The following KCTD8 variants were observed in gnomAD, a reference collection of about 807,000 sequenced individuals.
KCTD8 encodes the protein potassium channel tetramerization domain containing 8.
A neutral mutation model predicts 31.5 loss-of-function variants in KCTD8; 27 were observed. That is an observed-to-expected ratio of 0.86 (90% CI 0.63 to 1.18). The LOEUF is 1.18. Among genes scored for constraint, KCTD8 ranks in the 50% most tolerant of loss-of-function variants. The pLI is 0.00. For synonymous variants in KCTD8, 290 were observed against 280.0 expected, an observed-to-expected ratio of 1.04 and a Z score of -0.36; for missense variants, 658 against 647.7, an observed-to-expected ratio of 1.02 and a Z score of -0.17.
chr4:44,308,039 C>T (rs947988606), intron 1 of KCTD8, among the ~76,000 whole-genome samples: 8 of 152,056 alleles, frequency 5.3e-5, no homozygotes, highest in Admixed American at 4.6e-4. Context: ...TAAAGCATAT[C>T]CCTTATCTAT....
intron 1 of KCTD8, among the ~76,000 whole-genome samples, chr4:44,279,431 G>C (rs1716837970): frequency 6.6e-6 from 1 of 151,970 alleles, no homozygotes; most frequent in Non-Finnish European, 1.5e-5. Flanking sequence ...ATGGTGCTTG[G>C]AGTCCCAATG....
intron 1 of KCTD8, among the ~76,000 whole-genome samples, chr4:44,311,462 T>A (rs1421812221): frequency 6.6e-6 from 1 of 152,070 alleles, no homozygotes; most frequent in East Asian, 1.9e-4. Context: ...GTATATACAG[T>A]AAAAAATATT....
intron 1 of KCTD8, among the ~76,000 whole-genome samples, chr4:44,346,164 A>C (rs12506473): frequency 1.3e-5 from 2 of 151,918 alleles, no homozygotes; most frequent in Non-Finnish European, 2.9e-5. Context: ...GCAGTTTCCA[A>C]GTTTTTTATT....
intron 1 of KCTD8, among the ~76,000 whole-genome samples, chr4:44,241,651 T>C (rs937394362): frequency 2.0e-5 from 3 of 152,242 alleles, no homozygotes; most frequent in Non-Finnish European, 4.4e-5. Flanking sequence ...TCTACCTCTA[T>C]GAAACCTAAT....
chr4:44,380,839 T>C (rs1295110638), intron 1 of KCTD8, among the ~76,000 whole-genome samples: 2 of 151,976 alleles, frequency 1.3e-5, no homozygotes, highest in African/African-American at 4.8e-5. Context: ...TCTTATAAAA[T>C]GTTGAAGTGC....
intron 1 of KCTD8, among the ~76,000 whole-genome samples, chr4:44,295,134 T>A (rs536639036): frequency 1.3e-5 from 2 of 151,968 alleles, no homozygotes; most frequent in African/African-American, 4.8e-5. Context: ...CTCCATATTT[T>A]AAAAAATAAT....
intron 1 of KCTD8, among the ~76,000 whole-genome samples, chr4:44,283,337 A>T (rs929207118): frequency 1.3e-5 from 2 of 152,098 alleles, no homozygotes; most frequent in African/African-American, 4.8e-5. Flanking sequence ...AGCATGAGAC[A>T]CCATGCCTGG....
rs572575574 is a variant in KCTD8 at position 44,437,676 on chromosome 4, C to A, written c.961+9887G>T. ...TGACACCCTAAAGTAAGGACAAATA[C>A]TCTATTTTTATTTAGCACAGATTAC... On this transcript the variant is annotated intron_variant, in intron 1 of 1. Coordinates refer to ENST00000360029, the MANE Select transcript of KCTD8 (RefSeq NM_198353.3). Among the ~76,000 whole-genome samples the A allele has an allele frequency of 2.0e-5, 3 of 152,168 alleles. No homozygotes were observed. The East Asian group carries it at 5.8e-4, about 29-fold the overall frequency.
chr4:44,325,321 G>C (rs756339286), intron 1 of KCTD8, among the ~76,000 whole-genome samples: 1 of 151,916 alleles, frequency 6.6e-6, no homozygotes, highest in East Asian at 1.9e-4. Context: ...TCCTAGAACT[G>C]CCATATTCTA....
intron 1 of KCTD8, among the ~76,000 whole-genome samples, chr4:44,336,928 TGTTTA>T (rs549205407): frequency 6.6e-6 from 1 of 152,032 alleles, no homozygotes; most frequent in South Asian, 2.1e-4. Context: ...GAGAGAAGTC[TGTTTA>T]GTTTAAGAAA....
intron 1 of KCTD8, among the ~76,000 whole-genome samples, chr4:44,288,598 T>C (rs1044371207): frequency 1.5e-4 from 23 of 152,232 alleles, no homozygotes; most frequent in African/African-American, 5.1e-4. Flanking sequence ...GCCTATTCTG[T>C]ATGACAGTTA....
intron 1 of KCTD8, among the ~76,000 whole-genome samples, chr4:44,294,520 C>A (rs1007205303): frequency 6.6e-6 from 1 of 152,284 alleles, no homozygotes; most frequent in East Asian, 1.9e-4. Flanking sequence ...GTAAGATTAT[C>A]TGGTTTGACT....
At chr4:44,264,557 C>T (rs973473033) in intron 1 of KCTD8, among the ~76,000 whole-genome samples, 12 of 152,090 alleles carry the variant, frequency 7.9e-5, no homozygotes, top group African/African-American at 1.9e-4. Context: ...TGCAGTGCAC[C>T]GTGTGTGAGC....
intron 1 of KCTD8, among the ~76,000 whole-genome samples, chr4:44,362,385 T>G (rs1436555499): frequency 2.6e-5 from 4 of 152,176 alleles, no homozygotes; most frequent in Non-Finnish European, 5.9e-5. Context: ...GGTATTTTAG[T>G]GTCTTTACTA....
rs1479004262 is a variant in KCTD8 at position 44,269,961 on chromosome 4, A to G, written c.962-94711T>C. ...GTTGGTGGGACTGTAAACTAGTTCAACCATTGTGGAAGTCAGTGTGGTGAT... is the reference window on the plus strand; with the variant it reads ...GTTGGTGGGACTGTAAACTAGTTCAGCCATTGTGGAAGTCAGTGTGGTGAT... On this transcript the variant is annotated intron_variant, in intron 1 of 1. Coordinates refer to ENST00000360029, the MANE Select transcript of KCTD8 (RefSeq NM_198353.3). 3.4e-4 allele frequency among the ~76,000 whole-genome samples: 51 copies of G among 152,176 alleles called. No homozygotes were observed. The South Asian group carries it at 9.5e-3, about 28-fold the overall frequency.
intron 1 of KCTD8, among the ~76,000 whole-genome samples, chr4:44,317,007 TAAA>T (rs375885044): frequency 7.1e-6 from 1 of 141,356 alleles, no homozygotes; most frequent in South Asian, 2.2e-4. Context: ...AAAATAATAA[TAAA>T]AAAAAAACAA....
intron 1 of KCTD8, among the ~76,000 whole-genome samples, chr4:44,307,903 A>G (rs1717848616): frequency 6.6e-6 from 1 of 152,034 alleles, no homozygotes; most frequent in South Asian, 2.1e-4. Flanking sequence ...TTCAATGTAT[A>G]ACATTTTAAA....
chr4:44,184,740 T>C (rs980190301), intron 1 of KCTD8, among the ~76,000 whole-genome samples: 2 of 152,214 alleles, frequency 1.3e-5, no homozygotes, highest in African/African-American at 4.8e-5. Flanking sequence ...CATCACTCAC[T>C]TGGAAGTTAG....
intron 1 of KCTD8, among the ~76,000 whole-genome samples, chr4:44,389,663 T>C (rs555052304): frequency 1.3e-5 from 2 of 151,734 alleles, no homozygotes; most frequent in Non-Finnish European, 2.9e-5. Context: ...GTTCTGGAGA[T>C]TGGTTGCACA....
Sources: gnomAD v4.1 joint callset for allele counts (sites outside exome capture counted in the v4.1 genomes callset) on GRCh38, gnomAD v4.1.1 for gene constraint, MANE v1.5 for transcripts, NCBI Gene and HGNC (gene_info 2026-07-23, HGNC 2026-07-21) for gene names.